Variants in STXBP5L observed in about 807,000 individuals in gnomAD.
The protein encoded by STXBP5L is syntaxin binding protein 5L.
STXBP5L carries 65 observed loss-of-function variants against 144.5 expected under a neutral mutation model. The observed-to-expected ratio is 0.45, with a 90% CI of 0.37 to 0.55. The LOEUF (loss-of-function observed/expected upper bound fraction) is 0.55. Among genes scored for constraint, STXBP5L ranks in the 20% least tolerant of loss-of-function variants. The pLI is 0.00. For missense variants in STXBP5L, 1,298 were observed against 1,405.5 expected (o/e 0.92, Z 1.22); for synonymous variants, 505 against 469.6 (o/e 1.08, Z -0.97).
At chr3:121,404,456 TG>T (rs2108738293) in intron 22 of STXBP5L, among the ~76,000 whole-genome samples, 1 of 152,258 alleles carries the variant, frequency 6.6e-6, no homozygotes, top group African/African-American at 2.4e-5. Context: ...GGAGGTAGGG[TG>T]ATTCTGTTAC....
At chr3:121,171,852 T>C (rs2108063394) in intron 9 of STXBP5L, among the ~76,000 whole-genome samples, 1 of 152,306 alleles carries the variant, frequency 6.6e-6, no homozygotes, top group South Asian at 2.1e-4. Flanking sequence ...AAAAAACTAC[T>C]TTAAGTTTCA....
chr3:121,165,399 T>G (rs983236671), intron 9 of STXBP5L, among the ~76,000 whole-genome samples: 13 of 152,192 alleles, frequency 8.5e-5, no homozygotes, highest in Non-Finnish European at 1.8e-4. Flanking sequence ...AGGCTACCAT[T>G]TTATTGTTGG....
chr3:121,191,858 A>T lies in STXBP5L; in HGVS notation c.878-14065A>T, dbSNP rs575458416. On this transcript the variant is annotated intron_variant, in intron 9 of 26. Coordinates refer to ENST00000471454, the MANE Select transcript of STXBP5L (RefSeq NM_001308330.2). ...AATTATTGCAAGGACAGAAAACCAAACACAGCACGTTCTCACTCATAGGTG... is the reference window on the plus strand; with the variant it reads ...AATTATTGCAAGGACAGAAAACCAATCACAGCACGTTCTCACTCATAGGTG... 1.3e-4 allele frequency among the ~76,000 whole-genome samples: 19 copies of T among 151,520 alleles called. No individual in the cohort carries two copies. In the South Asian group the frequency reaches 3.1e-3, roughly 25 times the overall value.
At chr3:120,981,985 A>T (rs1330860572) in intron 3 of STXBP5L, among the ~76,000 whole-genome samples, 1 of 152,162 alleles carries the variant, frequency 6.6e-6, no homozygotes, top group Non-Finnish European at 1.5e-5. Flanking sequence ...CTTAAATGCC[A>T]GTTTTAGTAG....
chr3:121,326,911 TTC>T (rs1559979049), intron 20 of STXBP5L, among the ~76,000 whole-genome samples: 1 of 152,062 alleles, frequency 6.6e-6, no homozygotes, highest in African/African-American at 2.4e-5. Context: ...AAAAAGTAAA[TTC>T]TGTCATTTCA....
chr3:121,324,500 T>A (rs1362977134), intron 20 of STXBP5L: 1 of 695,332 alleles, frequency 1.4e-6, no homozygotes, highest in Non-Finnish European at 2.6e-6. Flanking sequence ...TAGGACTTGC[T>A]ACCAGAACCC....
chr3:121,106,332 T>C (rs1312831173), intron 5 of STXBP5L, among the ~76,000 whole-genome samples: 2 of 152,160 alleles, frequency 1.3e-5, no homozygotes, highest in African/African-American at 4.8e-5. Flanking sequence ...GGTGGTTTGC[T>C]GCACCTAACA....
At chr3:121,071,450 G>A (rs188029973) in intron 5 of STXBP5L, among the ~76,000 whole-genome samples, 16 of 152,318 alleles carry the variant, frequency 1.1e-4, no homozygotes, top group Admixed American at 7.2e-4. Context: ...GAAGTTGTCC[G>A]TGTCAGCAGT....
chr3:121,340,341 T>A (rs1023186847), intron 20 of STXBP5L, among the ~76,000 whole-genome samples: 10 of 152,250 alleles, frequency 6.6e-5, no homozygotes, highest in Middle Eastern at 3.4e-3. Flanking sequence ...TTACTTTTTT[T>A]AAATTATACT....
chr3:121,291,591 C>T (rs974334861), intron 19 of STXBP5L, among the ~76,000 whole-genome samples: 1 of 152,010 alleles, frequency 6.6e-6, no homozygotes, highest in Non-Finnish European at 1.5e-5. Context: ...AAAAAGCCCA[C>T]ATTGTCAAAG....
intron 9 of STXBP5L, among the ~76,000 whole-genome samples, chr3:121,184,150 C>T (rs1054230576): frequency 6.6e-6 from 1 of 151,918 alleles, no homozygotes; most frequent in Non-Finnish European, 1.5e-5. Context: ...ACCAGAATGC[C>T]TCTTCTCCTC....
chr3:121,357,000 C>T (rs1430248362), intron 20 of STXBP5L: 1 of 188,934 alleles, frequency 5.3e-6, no homozygotes, highest in African/African-American at 2.4e-5. Context: ...TTTGTCTCTG[C>T]AACAGTTTTT....
intron 23 of STXBP5L, among the ~76,000 whole-genome samples, chr3:121,410,551 C>G (rs575368450): frequency 6.6e-6 from 1 of 152,076 alleles, no homozygotes; most frequent in East Asian, 1.9e-4. Flanking sequence ...CAGACCCTAT[C>G]AGAAGGTAAC....
intron 9 of STXBP5L, among the ~76,000 whole-genome samples, chr3:121,205,352 G>A (rs777621377): frequency 8.5e-5 from 13 of 152,146 alleles, no homozygotes; most frequent in Non-Finnish European, 1.6e-4. Context: ...AGGGAAGGGG[G>A]CTGATCTAAT....
intron 5 of STXBP5L, among the ~76,000 whole-genome samples, chr3:121,061,849 A>T (rs1327483500): frequency 1.3e-5 from 2 of 151,854 alleles, no homozygotes; most frequent in Non-Finnish European, 2.9e-5. Flanking sequence ...CTTTATTTTG[A>T]GCCTATGTGT....
At chr3:121,067,570 C>T (rs775173481) in intron 5 of STXBP5L, among the ~76,000 whole-genome samples, 8 of 152,204 alleles carry the variant, frequency 5.3e-5, no homozygotes, top group Non-Finnish European at 8.8e-5. Context: ...TGTGCACAAA[C>T]TAATTTTACT....
intron 8 of STXBP5L, among the ~76,000 whole-genome samples, chr3:121,154,487 T>C (rs2046046349): frequency 6.6e-6 from 1 of 151,848 alleles, no homozygotes; most frequent in Non-Finnish European, 1.5e-5. Context: ...TATTCACTTG[T>C]CTGTGTCTTT....
chr3:121,386,396 A>G (rs1379094143), intron 22 of STXBP5L, among the ~76,000 whole-genome samples: 2 of 151,998 alleles, frequency 1.3e-5, no homozygotes, highest in African/African-American at 4.8e-5. Flanking sequence ...CAATAATTTC[A>G]TTATTTATTT....
chr3:121,307,609 T>G lies in STXBP5L; in HGVS notation c.2111-10866T>G, dbSNP rs980494336. On this transcript the variant is annotated intron_variant, in intron 19 of 26. Coordinates refer to ENST00000471454, the MANE Select transcript of STXBP5L (RefSeq NM_001308330.2). ...ACCAGTAAACTTGAAAATAGGTTAATAGAGACAGTGCATTCTGAAGGACAG... is the reference window on the plus strand; with the variant it reads ...ACCAGTAAACTTGAAAATAGGTTAAGAGAGACAGTGCATTCTGAAGGACAG... Among the ~76,000 whole-genome samples the G allele has an allele frequency of 4.0e-5, 6 of 151,896 alleles. No individual in the cohort carries two copies. In the South Asian group the frequency reaches 1.2e-3, roughly 32 times the overall value.
Sources: allele counts gnomAD v4.1 joint callset (sites outside exome capture counted in the v4.1 genomes callset), GRCh38; gene constraint gnomAD v4.1.1; transcripts MANE v1.5; gene names NCBI Gene and HGNC (gene_info 2026-07-23, HGNC 2026-07-21).